RBMS3: variants seen among roughly 807,000 people sequenced by gnomAD.
RBMS3 encodes the protein RNA binding motif single stranded interacting protein 3, also known as RNA-binding motif, single-stranded-interacting protein 3.
In RBMS3, 27 loss-of-function variants were observed where a neutral mutation model predicts 66.8. The observed-to-expected ratio is 0.40, with a 90% CI of 0.30 to 0.56. The LOEUF is 0.56. Among genes scored for constraint, RBMS3 ranks in the 20% least tolerant of loss-of-function variants. RBMS3 has a pLI of 0.40. For missense variants in RBMS3, 513 were observed against 549.5 expected (o/e 0.93, Z 0.66); for synonymous variants, 188 against 183.0 (o/e 1.03, Z -0.22).
chr3:29,404,417 C>T (rs1179729270), intron 1 of RBMS3, among the ~76,000 whole-genome samples: 2 of 152,012 alleles, frequency 1.3e-5, no homozygotes, highest in Non-Finnish European at 2.9e-5. Context: ...TTTCTTTTTG[C>T]TGGTTAAGAG....
At chr3:29,688,819 G>A (rs947775926) in intron 4 of RBMS3, among the ~76,000 whole-genome samples, 1 of 151,942 alleles carries the variant, frequency 6.6e-6, no homozygotes. Context: ...CTGACCTCGT[G>A]ATCCACTCAC....
intron 7 of RBMS3, among the ~76,000 whole-genome samples, chr3:29,871,893 C>T (rs2059500969): frequency 6.6e-6 from 1 of 152,064 alleles, no homozygotes; most frequent in Non-Finnish European, 1.5e-5. Flanking sequence ...CAAAGTTTGG[C>T]TAAATGCACT....
At chr3:29,836,614 G>C (rs1160129685) in intron 6 of RBMS3, among the ~76,000 whole-genome samples, 1 of 151,918 alleles carries the variant, frequency 6.6e-6, no homozygotes, top group Non-Finnish European at 1.5e-5. Flanking sequence ...AGATTAATAA[G>C]TTCTGGAGAC....
chr3:29,467,058 T>G (rs2042568930), intron 2 of RBMS3, among the ~76,000 whole-genome samples: 1 of 152,222 alleles, frequency 6.6e-6, no homozygotes, highest in African/African-American at 2.4e-5. Context: ...AGTGAAAATG[T>G]ATAATTTAAT....
intron 3 of RBMS3, among the ~76,000 whole-genome samples, chr3:29,498,728 T>C (rs2043855631): frequency 6.6e-6 from 1 of 152,192 alleles, no homozygotes; most frequent in Admixed American, 6.5e-5. Flanking sequence ...CCATGTTTGT[T>C]ATATGCCGGG....
intron 6 of RBMS3, among the ~76,000 whole-genome samples, chr3:29,794,609 C>A (rs1389649524): frequency 2.6e-5 from 4 of 151,956 alleles, no homozygotes; most frequent in African/African-American, 9.7e-5. Flanking sequence ...ACAACAACAA[C>A]AACAAAAACA....
At chr3:29,321,111 A>G (rs2034984443) in intron 1 of RBMS3, among the ~76,000 whole-genome samples, 2 of 152,070 alleles carry the variant, frequency 1.3e-5, no homozygotes, top group Admixed American at 6.6e-5. Context: ...ATAGAATCTC[A>G]TAGAACTCTT....
intron 1 of RBMS3, among the ~76,000 whole-genome samples, chr3:29,365,042 A>G (rs2037819681): frequency 6.6e-6 from 1 of 152,124 alleles, no homozygotes; most frequent in Non-Finnish European, 1.5e-5. Context: ...GTCAAAATGG[A>G]ATATCGTATA....
At chr3:29,816,525 G>A (rs894925322) in intron 6 of RBMS3, among the ~76,000 whole-genome samples, 1 of 151,916 alleles carries the variant, frequency 6.6e-6, no homozygotes, top group Admixed American at 6.6e-5. Flanking sequence ...TTGTTAATTG[G>A]CACAACCTCT....
chr3:29,388,710 C>G lies in RBMS3; in HGVS notation c.76-46033C>G, dbSNP rs1030581802. Among the ~76,000 whole-genome samples, 3 of 152,150 alleles carry G rather than the reference C, an allele frequency of 2.0e-5. No individual in the cohort carries two copies. The South Asian group carries it at 6.2e-4, about 32-fold the overall frequency. On this transcript the variant is annotated intron_variant, in intron 1 of 14. Coordinates refer to ENST00000383767, the MANE Select transcript of RBMS3 (RefSeq NM_001003793.3). ...CCTCCCGAGTAGCTGGGACTACAGGCAACCGCCACTATGCCCAGCTAATTT... is the reference window on the plus strand; with the variant it reads ...CCTCCCGAGTAGCTGGGACTACAGGGAACCGCCACTATGCCCAGCTAATTT...
At chr3:29,849,280 C>A (rs1364712301) in intron 6 of RBMS3, among the ~76,000 whole-genome samples, 1 of 151,566 alleles carries the variant, frequency 6.6e-6, no homozygotes, top group Non-Finnish European at 1.5e-5. Flanking sequence ...CTTTAGGAGG[C>A]CCAGGCGGGT....
chr3:29,820,564 A>G (rs2058054170), intron 6 of RBMS3, among the ~76,000 whole-genome samples: 1 of 152,056 alleles, frequency 6.6e-6, no homozygotes, highest in South Asian at 2.1e-4. Flanking sequence ...TTTTATTCAA[A>G]CTTAGCTATT....
intron 2 of RBMS3, among the ~76,000 whole-genome samples, chr3:29,435,604 T>C (rs1048558782): frequency 1.3e-5 from 2 of 152,190 alleles, no homozygotes; most frequent in Non-Finnish European, 1.5e-5. Context: ...AATAAAAACA[T>C]ATTTAAGTTC....
chr3:29,951,138 T>C (rs1427996312), intron 12 of RBMS3, among the ~76,000 whole-genome samples: 1 of 151,862 alleles, frequency 6.6e-6, no homozygotes, highest in Non-Finnish European at 1.5e-5. Context: ...AACTTGGAAG[T>C]ACAAAGCTTC....
At chr3:29,913,155 C>T (rs1324866052) in intron 10 of RBMS3, among the ~76,000 whole-genome samples, 3 of 151,888 alleles carry the variant, frequency 2.0e-5, no homozygotes, top group Non-Finnish European at 4.4e-5. Flanking sequence ...AAATGTACTC[C>T]GTGGCAGCAA....
At chr3:29,978,123 T>C (rs941230448) in intron 12 of RBMS3, among the ~76,000 whole-genome samples, 1 of 152,326 alleles carries the variant, frequency 6.6e-6, no homozygotes, top group Non-Finnish European at 1.5e-5. Flanking sequence ...CTGTAGTTCA[T>C]CTGTGCTCTG....
intron 4 of RBMS3, among the ~76,000 whole-genome samples, chr3:29,597,718 T>G (rs1417573456): frequency 6.6e-6 from 1 of 152,094 alleles, no homozygotes; most frequent in African/African-American, 2.4e-5. Flanking sequence ...AAACCAGACT[T>G]TTTTTCCCTA....
intron 1 of RBMS3, among the ~76,000 whole-genome samples, chr3:29,300,175 T>C (rs1405408356): frequency 6.6e-6 from 1 of 151,972 alleles, no homozygotes; most frequent in Non-Finnish European, 1.5e-5. Flanking sequence ...TAGACGGAGA[T>C]GTTGGAAGAC....
At chr3:30,003,407 T>G (rs2125406171) in intron 14 of RBMS3, among the ~76,000 whole-genome samples, 1 of 152,064 alleles carries the variant, frequency 6.6e-6, no homozygotes, top group Non-Finnish European at 1.5e-5. Context: ...GAAAAGAGAA[T>G]AAAACTGCAT....
Sources: allele counts gnomAD v4.1 joint callset (sites outside exome capture counted in the v4.1 genomes callset), GRCh38; gene constraint gnomAD v4.1.1; transcripts MANE v1.5; gene names NCBI Gene and HGNC (gene_info 2026-07-23, HGNC 2026-07-21).